DOK5: variants seen among roughly 807,000 people sequenced by gnomAD.
DOK5 encodes the protein downstream of tyrosine kinase 5.
A neutral mutation model predicts 43.3 loss-of-function variants in DOK5; 27 were observed. The ratio of observed to expected loss-of-function variants is 0.62; its 90% CI spans 0.46 to 0.86. The LOEUF (loss-of-function observed/expected upper bound fraction) is 0.86. DOK5 is among the 40% of genes least tolerant of loss of function. DOK5 has a pLI of 0.00. For missense variants in DOK5, 373 were observed against 392.9 expected, an observed-to-expected ratio of 0.95 and a Z score of 0.43; for synonymous variants, 146 against 140.1, an observed-to-expected ratio of 1.04 and a Z score of -0.30.
chr20:54,496,923 A>G (rs1982426508), intron 1 of DOK5, among the ~76,000 whole-genome samples: 1 of 152,178 alleles, frequency 6.6e-6, no homozygotes, highest in East Asian at 1.9e-4. Context: ...CTGGCCTCTT[A>G]GTAACCACAT....
chr20:54,480,446 G>A (rs1202375795), intron 1 of DOK5, among the ~76,000 whole-genome samples: 2 of 152,158 alleles, frequency 1.3e-5, no homozygotes, highest in African/African-American at 2.4e-5. Flanking sequence ...CCATGGCAAC[G>A]TCAGGAAGTT....
At chr20:54,610,780 A>T (rs1290915707) in intron 6 of DOK5, among the ~76,000 whole-genome samples, 1 of 152,258 alleles carries the variant, frequency 6.6e-6, no homozygotes, top group African/African-American at 2.4e-5. Context: ...GTGTGTACAG[A>T]CATCTATAGA....
At chr20:54,636,800 A>G (rs1318928121) in intron 6 of DOK5, among the ~76,000 whole-genome samples, 2 of 152,236 alleles carry the variant, frequency 1.3e-5, no homozygotes, top group Admixed American at 1.3e-4. Flanking sequence ...AATGGGCAGG[A>G]ATAACTCATT....
chr20:54,622,503 T>C (rs4811513), intron 6 of DOK5, among the ~76,000 whole-genome samples: 71,230 of 152,202 alleles, frequency 0.47, 20,940 homozygotes, highest in African/African-American at 0.82. Context: ...AGCTCCTCCC[T>C]GGAGCTGGGA....
At chr20:54,597,435 G>A (rs1986177759) in intron 5 of DOK5, among the ~76,000 whole-genome samples, 1 of 152,144 alleles carries the variant, frequency 6.6e-6, no homozygotes, top group South Asian at 2.1e-4. Flanking sequence ...TCTAGCAGGT[G>A]TATGAGCCAT....
intron 1 of DOK5, among the ~76,000 whole-genome samples, chr20:54,524,269 G>T (rs999974873): frequency 6.6e-6 from 1 of 152,322 alleles, no homozygotes; most frequent in African/African-American, 2.4e-5. Flanking sequence ...TTCAGGTAAA[G>T]ATCCAACTCG....
At chr20:54,602,384 C>T (rs1483514405) in intron 5 of DOK5, among the ~76,000 whole-genome samples, 3 of 152,164 alleles carry the variant, frequency 2.0e-5, no homozygotes, top group Non-Finnish European at 4.4e-5. Flanking sequence ...CATAGCTCCA[C>T]ATCACCTGGA....
intron 1 of DOK5, among the ~76,000 whole-genome samples, chr20:54,506,313 A>C (rs1236209961): frequency 6.6e-6 from 1 of 152,166 alleles, no homozygotes; most frequent in East Asian, 1.9e-4. Flanking sequence ...AAAGATGTTA[A>C]TTTTGAGCTG....
At chr20:54,638,769 T>G (rs1253265681) in intron 6 of DOK5, among the ~76,000 whole-genome samples, 1 of 149,914 alleles carries the variant, frequency 6.7e-6, no homozygotes, top group African/African-American at 2.4e-5. Flanking sequence ...TTTTTTTTTT[T>G]TTGAGACTGA....
At chr20:54,542,105 C>CAGACACACACACAG (rs71659682) in intron 1 of DOK5, among the ~76,000 whole-genome samples, 16 of 150,316 alleles carry the variant, frequency 1.1e-4, no homozygotes, top group Admixed American at 2.6e-4. Flanking sequence ...AAGATACACA[C>CAGACACACACACAG]ACACACACAC....
intron 2 of DOK5, among the ~76,000 whole-genome samples, chr20:54,561,945 C>G (rs1488570020): frequency 5.9e-5 from 9 of 152,230 alleles, no homozygotes; most frequent in African/African-American, 2.2e-4. Flanking sequence ...GCGCGAGCCA[C>G]TGCGCCTGGC....
intron 6 of DOK5, among the ~76,000 whole-genome samples, chr20:54,616,888 C>T (rs969664137): frequency 6.7e-6 from 1 of 149,706 alleles, no homozygotes; most frequent in Non-Finnish European, 1.5e-5. Context: ...CCTGAGTTCA[C>T]CCACCATTCT....
chr20:54,631,343 G>C (rs1165286191), intron 6 of DOK5, among the ~76,000 whole-genome samples: 1 of 151,974 alleles, frequency 6.6e-6, no homozygotes, highest in African/African-American at 2.4e-5. Flanking sequence ...TGGAGCCCAA[G>C]AGACTGAGGC....
intron 7 of DOK5, 72 bp downstream of exon 7, chr20:54,643,650 C>G: frequency 6.6e-7 from 1 of 1,525,318 alleles, no homozygotes; most frequent in Non-Finnish European, 8.8e-7. Flanking sequence ...CTCAGCTCAA[C>G]TCGCAGCTGC....
chr20:54,591,216 T>C (rs1385149233), intron 4 of DOK5, among the ~76,000 whole-genome samples: 3 of 152,224 alleles, frequency 2.0e-5, no homozygotes, highest in Non-Finnish European at 4.4e-5. Flanking sequence ...ACATAATTGT[T>C]TTGCACCTGC....
At chr20:54,609,062 C>T (rs560598444) in intron 5 of DOK5, among the ~76,000 whole-genome samples, 1 of 152,136 alleles carries the variant, frequency 6.6e-6, no homozygotes, top group Non-Finnish European at 1.5e-5. Flanking sequence ...CTACTTAGGC[C>T]ATGCCATATG....
At chr20:54,542,823 C>T (rs1984211831) in intron 1 of DOK5, among the ~76,000 whole-genome samples, 1 of 152,188 alleles carries the variant, frequency 6.6e-6, no homozygotes, top group Non-Finnish European at 1.5e-5. Context: ...CAGGCAGCCA[C>T]AGAAACACTT....
intron 1 of DOK5, among the ~76,000 whole-genome samples, chr20:54,506,621 G>C (rs1982814725): frequency 6.6e-6 from 1 of 152,100 alleles, no homozygotes; most frequent in Non-Finnish European, 1.5e-5. Flanking sequence ...CACCACGCCT[G>C]GCTAATTTTT....
chr20:54,606,806 T>C (rs1413623323), intron 5 of DOK5, among the ~76,000 whole-genome samples: 1 of 152,196 alleles, frequency 6.6e-6, no homozygotes, highest in Non-Finnish European at 1.5e-5. Flanking sequence ...ATTAGCATCT[T>C]CATGGGTCAG....
Sources: allele counts gnomAD v4.1 joint callset (sites outside exome capture counted in the v4.1 genomes callset), GRCh38; gene constraint gnomAD v4.1.1; transcripts MANE v1.5; gene names NCBI Gene and HGNC (gene_info 2026-07-23, HGNC 2026-07-21).